The following NRCAM variants were observed in gnomAD, a reference collection of about 807,000 sequenced individuals.
NRCAM encodes the protein neuronal cell adhesion molecule.
A neutral mutation model predicts 156.5 loss-of-function variants in NRCAM; 83 were observed. That is an observed-to-expected ratio of 0.53 (90% confidence interval 0.44 to 0.64). The LOEUF is 0.64. Among genes scored for constraint, NRCAM ranks in the 30% least tolerant of loss-of-function variants. The pLI is 0.00. For synonymous variants in NRCAM, 538 were observed against 563.9 expected (o/e 0.95, Z 0.65); for missense variants, 1,417 against 1,597.3 (o/e 0.89, Z 1.92).
At chr7:108,230,556 G>T (rs2094185331) in intron 8 of NRCAM, among the ~76,000 whole-genome samples, 1 of 151,968 alleles carries the variant, frequency 6.6e-6, no homozygotes, top group Non-Finnish European at 1.5e-5. Context: ...CTCCCGCTCG[G>T]CTCCTTCATT....
At chr7:108,187,699 C>T (rs397656) in intron 20 of NRCAM, among the ~76,000 whole-genome samples, 110,991 of 151,860 alleles carry the variant, frequency 0.73, 41,945 homozygotes, top group East Asian at 0.97. Flanking sequence ...CGCCTGTAAT[C>T]CCAGCACTTT....
intron 2 of NRCAM, among the ~76,000 whole-genome samples, chr7:108,331,055 G>T (rs1163382952): frequency 5.3e-5 from 8 of 152,154 alleles, no homozygotes; most frequent in Admixed American, 4.6e-4. Context: ...CTTTTTTACA[G>T]AAATATTTTT....
At chr7:108,423,960 A>G (rs1813651792) in intron 1 of NRCAM, among the ~76,000 whole-genome samples, 2 of 152,174 alleles carry the variant, frequency 1.3e-5, no homozygotes, top group South Asian at 2.1e-4. Flanking sequence ...CCACATCTAA[A>G]TCTGTTAATA....
At position 108,182,009 on chromosome 7, in the gene NRCAM, C is replaced by T; in HGVS notation, c.2531-72G>A. ...ATTTCATCCATAAATATGACTCTCTCTAATAATTTTGGCTTGAAGCATACT... is the reference window on the plus strand; with the variant it reads ...ATTTCATCCATAAATATGACTCTCTTTAATAATTTTGGCTTGAAGCATACT... On this transcript the variant is annotated intron_variant, in intron 23 of 32. Coordinates refer to ENST00000379028, the MANE Select transcript of NRCAM (RefSeq NM_001037132.4). The T allele has an allele frequency of 2.5e-6, 3 of 1,210,694 alleles. No homozygotes were observed. The South Asian group carries it at 3.9e-5, about 16-fold the overall frequency. 75.0% of individuals were successfully genotyped at this position (1,210,694 alleles called of 1,614,324 possible).
chr7:108,366,766 T>C (rs1321444834), intron 2 of NRCAM, among the ~76,000 whole-genome samples: 1 of 152,174 alleles, frequency 6.6e-6, no homozygotes, highest in Non-Finnish European at 1.5e-5. Flanking sequence ...TTGTCCAAGA[T>C]TGTACAGCTG....
At chr7:108,301,881 G>A (rs1032543117) in intron 3 of NRCAM, among the ~76,000 whole-genome samples, 7 of 152,008 alleles carry the variant, frequency 4.6e-5, no homozygotes, top group Admixed American at 3.3e-4. Flanking sequence ...CATCACTTTA[G>A]GACACTATTT....
At chr7:108,222,151 A>G (rs1368301015) in intron 11 of NRCAM, among the ~76,000 whole-genome samples, 1 of 152,246 alleles carries the variant, frequency 6.6e-6, no homozygotes, top group Non-Finnish European at 1.5e-5. Flanking sequence ...TAGTCAGACT[A>G]ATCTGCATCT....
intron 2 of NRCAM, among the ~76,000 whole-genome samples, chr7:108,372,834 A>C (rs1014460188): frequency 6.6e-6 from 1 of 152,182 alleles, no homozygotes; most frequent in Admixed American, 6.6e-5. Flanking sequence ...ATGATCCAGC[A>C]TTCCTACTTC....
intron 19 of NRCAM, among the ~76,000 whole-genome samples, chr7:108,190,431 G>A (rs948663197): frequency 3.3e-5 from 5 of 152,210 alleles, no homozygotes; most frequent in South Asian, 4.2e-4. Flanking sequence ...TTGCTCCTAG[G>A]AGTATCTCTG....
At chr7:108,345,830 A>T (rs1434811739) in intron 2 of NRCAM, among the ~76,000 whole-genome samples, 4 of 152,222 alleles carry the variant, frequency 2.6e-5, no homozygotes, top group Non-Finnish European at 5.9e-5. Context: ...TGAGTGAATT[A>T]AGGCAGTCCA....
intron 17 of NRCAM, among the ~76,000 whole-genome samples, chr7:108,192,172 G>A (rs541715405): frequency 6.6e-6 from 1 of 152,288 alleles, no homozygotes; most frequent in African/African-American, 2.4e-5. Flanking sequence ...GGGGACCGCT[G>A]CTCTAGAGGG....
intron 4 of NRCAM, among the ~76,000 whole-genome samples, chr7:108,238,599 T>C (rs545608357): frequency 6.6e-6 from 1 of 152,306 alleles, no homozygotes; most frequent in Admixed American, 6.5e-5. Flanking sequence ...TGTTTCCCTC[T>C]GCTTGACAGA....
chr7:108,192,397 T>C (rs532488858), intron 17 of NRCAM, among the ~76,000 whole-genome samples: 1 of 152,154 alleles, frequency 6.6e-6, no homozygotes, highest in South Asian at 2.1e-4. Context: ...AATATATATA[T>C]GTATATACAT....
chr7:108,451,500 C>T (rs1850359678), intron 1 of NRCAM, among the ~76,000 whole-genome samples: 3 of 152,152 alleles, frequency 2.0e-5, no homozygotes, highest in Admixed American at 6.5e-5. Context: ...GATATTTGTA[C>T]ATCCATGTTC....
chr7:108,229,740 G>A (rs956955533), intron 8 of NRCAM, among the ~76,000 whole-genome samples: 15 of 151,968 alleles, frequency 9.9e-5, no homozygotes, highest in African/African-American at 3.6e-4. Flanking sequence ...ATATCTTACA[G>A]GCCTCTCACA....
chr7:108,197,991 C>A lies in NRCAM; in HGVS notation c.1316G>T (p.Gly439Val), dbSNP rs1233893096. 1 of 1,586,084 alleles carries A rather than the reference C, an allele frequency of 6.3e-7. No individual in the cohort carries two copies. The highest frequency in any genetic ancestry group is 8.6e-7 in the Non-Finnish European group (1 of 1,168,272). The change falls in exon 14 of 33, where the codon GGA (glycine) becomes GTA (valine). Residue 439 changes from glycine (G) to valine (V), a missense_variant. By Grantham distance (109) the Gly-to-Val change is moderately radical. Around this residue, in one of 2 missense-constraint regions of NRCAM, gnomAD observed 1,238 missense variants for 1,336.4 expected, o/e 0.93. Transcript: ENST00000379028. ...TACAAATGCGTTTGCCAGTAAATAT[C>A]CATATTCATTAGAGGCATTGCACTG... ...VYQCNASNEYGYLLANAFVNV... is the reference protein window; with the variant it reads ...VYQCNASNEYVYLLANAFVNV...
intron 2 of NRCAM, among the ~76,000 whole-genome samples, chr7:108,320,045 C>T (rs1027423526): frequency 6.6e-6 from 1 of 152,096 alleles, no homozygotes; most frequent in Middle Eastern, 3.2e-3. Flanking sequence ...AAGTGAATTC[C>T]TATACAGTTA....
chr7:108,222,153 T>C (rs543888368), intron 11 of NRCAM, among the ~76,000 whole-genome samples: 1 of 152,236 alleles, frequency 6.6e-6, no homozygotes, highest in Non-Finnish European at 1.5e-5. Context: ...GTCAGACTAA[T>C]CTGCATCTCA....
chr7:108,442,021 T>C (rs1299120267), intron 1 of NRCAM, among the ~76,000 whole-genome samples: 2 of 152,242 alleles, frequency 1.3e-5, no homozygotes, highest in Non-Finnish European at 2.9e-5. Flanking sequence ...TATTTATTAA[T>C]AGTAATAAGT....
Sources: gnomAD v4.1 joint callset for allele counts (sites outside exome capture counted in the v4.1 genomes callset) on GRCh38, gnomAD v4.1.1 for gene constraint, gnomAD v4.1.1 regional missense constraint, MANE v1.5 for transcripts, NCBI Gene and HGNC (gene_info 2026-07-23, HGNC 2026-07-21) for gene names.